The following ANKRD60 variants were observed in gnomAD, a reference collection of about 807,000 sequenced individuals.
ANKRD60 encodes the protein ankyrin repeat domain 60.
ANKRD60 carries 24 observed loss-of-function variants against 21.3 expected under a neutral mutation model. That is an observed-to-expected ratio of 1.13 (90% CI 0.82 to 1.59). The LOEUF (loss-of-function observed/expected upper bound fraction) is 1.59, where lower values mean the gene tolerates loss of function less well. Ranked by LOEUF, ANKRD60 falls within the 40% of genes most tolerant of loss-of-function variation. The probability of loss-of-function intolerance (pLI) is 0.00; values close to 1 mark genes in which losing one functional copy is unlikely to be tolerated. For missense variants in ANKRD60, 490 were observed against 466.7 expected (o/e 1.05, Z -0.46); for synonymous variants, 182 against 199.4 (o/e 0.91, Z 0.74).
intron 1 of ANKRD60, among the ~76,000 whole-genome samples, chr20:58,225,041 A>T (rs1984337597): frequency 6.6e-6 from 1 of 152,210 alleles, no homozygotes; most frequent in Non-Finnish European, 1.5e-5. Flanking sequence ...GATTATTTAT[A>T]GGCAGTAGCC....
At chr20:58,221,367 A>G (rs1490286805) in exon 3 of ANKRD60, 1 of 1,551,910 alleles carries the variant, frequency 6.4e-7, no homozygotes, top group Admixed American at 2.0e-5. Flanking sequence ...CACAGCATCA[A>G]AGTGGCCTCT....
exon 4 of ANKRD60, chr20:58,218,690 G>T: frequency 6.4e-7 from 1 of 1,551,754 alleles, no homozygotes. Context: ...TGGCATCTCT[G>T]TCGTGGATGG....
intron 1 of ANKRD60, among the ~76,000 whole-genome samples, chr20:58,224,968 C>A (rs1192126880): frequency 6.6e-6 from 1 of 152,200 alleles, no homozygotes; most frequent in African/African-American, 2.4e-5. Context: ...AAGGTTTTCA[C>A]ACATGATCTC....
chr20:58,221,187 T>A, intron 3 of ANKRD60, 151 bp downstream of exon 3: 1 of 772,042 alleles, frequency 1.3e-6, no homozygotes. Context: ...AGACAGGGAG[T>A]GAGTGGCACC....
At position 58,228,108 on chromosome 20, in the gene ANKRD60, G is replaced by A. The variant is rs79767761; in HGVS notation, c.430+116C>T. 1 of 1,106,916 alleles carries A rather than the reference G, an allele frequency of 9.0e-7. No homozygotes were observed. The highest frequency in any genetic ancestry group is 2.8e-5 in the Admixed American group (1 of 35,598). The allele number at this position is 1,106,916 out of a possible 1,614,324, so 68.6% of individuals were successfully genotyped here. On this transcript the variant is annotated intron_variant, in intron 1 of 3. Transcript: ENST00000457363. The surrounding 1 kb of genome is among the most constrained non-coding windows in gnomAD (Gnocchi z 5.3). ...GTTTCAGGGTGGTTGGGTTTCAGGG[G>A]TTTGCTTTGACATCTGGGGTTTCTC...
At chr20:58,225,213 C>T (rs529653010) in intron 1 of ANKRD60, among the ~76,000 whole-genome samples, 1 of 152,292 alleles carries the variant, frequency 6.6e-6, no homozygotes, top group South Asian at 2.1e-4. Flanking sequence ...CTCTCGCGCT[C>T]CCTCTTAGCT....
Position 58,228,261 on chromosome 20 carries a change from G to A in ANKRD60, c.393C>T (p.Ile131=). The A allele has an allele frequency of 6.4e-7, 1 of 1,551,134 alleles. No homozygotes were observed. The highest frequency in any genetic ancestry group is 8.7e-7 in the Non-Finnish European group (1 of 1,146,718). Residue 131 remains isoleucine, a synonymous_variant, in exon 1 of 4, where the codon ATC becomes ATT. Coordinates refer to ENST00000457363, the Ensembl canonical transcript of ANKRD60. This position sits in a 1 kb window ranked among gnomAD's most constrained non-coding sequence, Gnocchi z 5.3. ...ACTGGAGCCGCTGGAGGTTGAAGGG[G>A]ATGCCGACCATCAGGTCCAGCTCCT...
Position 58,228,620 on chromosome 20 carries a change from C to T in ANKRD60, c.34G>A (p.Ala12Thr), listed in dbSNP as rs544356466. ...CGCGCTCCGCCCGCCCCCGCCGCCG[C>T]CCGCCGCATCCCCCAGGCGCGGCCG... The change falls in exon 1 of 4, where the codon GCG (alanine) becomes ACG (threonine). Residue 12 changes from alanine (A) to threonine (T), a missense_variant. Transcript: ENST00000457363. This position sits in a 1 kb window ranked among gnomAD's most constrained non-coding sequence, Gnocchi z 5.3. 5.9e-6 allele frequency: 6 copies of T among 1,015,732 alleles called. No individual in the cohort carries two copies. Among genetic ancestry groups the T allele is most frequent in the Middle Eastern group, 4.5e-4 (1 of 2,218 alleles). 62.9% of individuals were successfully genotyped at this position (1,015,732 alleles called of 1,614,324 possible).
downstream of ANKRD60, chr20:58,218,428 C>A: frequency 6.9e-7 from 1 of 1,448,482 alleles, no homozygotes; most frequent in Non-Finnish European, 9.3e-7. Context: ...CACCAAGGGC[C>A]CCCATGGGAT....
At position 58,228,463 on chromosome 20, in the gene ANKRD60, T is replaced by A. The variant is rs1984415785; in HGVS notation, c.191A>T (p.Gln64Leu). Residue 64 changes from glutamine (Q) to leucine (L), a missense_variant, in exon 1 of 4, where the codon CAG becomes CTG. Transcript: ENST00000457363. This position sits in a 1 kb window ranked among gnomAD's most constrained non-coding sequence, Gnocchi z 5.3. The stretch of plus-strand genomic sequence containing the variant: ...CCGGCCGCGGGCACAGGCCAGGGGC[T>A]GCGCGGGGAGGGCCCGCGAGTCCGC... The A allele has an allele frequency of 6.5e-7, 1 of 1,527,246 alleles. No homozygotes were observed. The highest frequency in any genetic ancestry group is 2.5e-5 in the East Asian group (1 of 39,858). The allele number at this position is 1,527,246 out of a possible 1,614,324, so 94.6% of individuals were successfully genotyped here.
chr20:58,218,722 G>T (rs1984185169), exon 4 of ANKRD60: 1 of 1,551,704 alleles, frequency 6.4e-7, no homozygotes. Flanking sequence ...TGGAGCAGGA[G>T]GATTATACAG....
rs151327674 is a variant in ANKRD60 at position 58,221,338 on chromosome 20, C to T, written c.727G>A (p.Gly243Arg). The T allele has an allele frequency of 5.1e-5, 79 of 1,548,404 alleles. No homozygotes were observed. In the African/African-American group the frequency reaches 9.3e-4, roughly 18 times the overall value. The stretch of plus-strand genomic sequence containing the variant: ...ATAGCAAGCTTTCTACCAGAATTAC[C>T]GTGTTCTAGAAGGTACTGCACAGCA... Residue 243 changes from glycine (G) to arginine (R), a missense_variant and splice_region_variant, in exon 3 of 4, where the codon GGA becomes AGA. Coordinates refer to ENST00000457363, the Ensembl canonical transcript of ANKRD60.
At chr20:58,223,714 T>C (rs1028261371) in intron 1 of ANKRD60, among the ~76,000 whole-genome samples, 1 of 152,222 alleles carries the variant, frequency 6.6e-6, no homozygotes, top group African/African-American at 2.4e-5. Flanking sequence ...GGGTAACTCC[T>C]TGTGGCAGGG....
At chr20:58,221,604 A>C in intron 2 of ANKRD60, 101 bp from the exon 3 acceptor site, 1 of 1,310,674 alleles carries the variant, frequency 7.6e-7, no homozygotes, top group Non-Finnish European at 1.0e-6. Context: ...CTTGAATGTC[A>C]AATTAAGGCT....
exon 3 of ANKRD60, chr20:58,221,466 C>T (rs906100621): frequency 4.3e-5 from 66 of 1,551,750 alleles, no homozygotes; most frequent in Non-Finnish European, 5.5e-5. Flanking sequence ...ATTTGCGGTT[C>T]GGTAGAAGGA....
At chr20:58,218,177 C>T (rs1366620418), downstream of ANKRD60, among the ~76,000 whole-genome samples, 2 of 152,144 alleles carry the variant, frequency 1.3e-5, no homozygotes, top group African/African-American at 2.4e-5. Flanking sequence ...GTGCATTAGA[C>T]GGTCCCCAGA....
intron 1 of ANKRD60, among the ~76,000 whole-genome samples, chr20:58,227,914 G>C (rs563807439): frequency 6.6e-6 from 1 of 152,164 alleles, no homozygotes; most frequent in Non-Finnish European, 1.5e-5. Context: ...GCTTGGACAG[G>C]ATTTGCTCAG....
At chr20:58,218,400 T>C (rs151112676), downstream of ANKRD60, 113 of 1,260,156 alleles carry the variant, frequency 9.0e-5, no homozygotes, top group African/African-American at 1.5e-3. Context: ...AATTGCCCTG[T>C]TTTCCTGCCT....
At chr20:58,217,680 CA>C (rs1984162825), downstream of ANKRD60, among the ~76,000 whole-genome samples, 1 of 151,978 alleles carries the variant, frequency 6.6e-6, no homozygotes, top group South Asian at 2.1e-4. Flanking sequence ...TAAGGTTTTG[CA>C]ATGCAAAGAC....
Sources: gnomAD v4.1 joint callset for allele counts (sites outside exome capture counted in the v4.1 genomes callset) on GRCh38, gnomAD v4.1.1 for gene constraint, Gnocchi (gnomAD v3.1) non-coding constraint, MANE v1.5 for transcripts, NCBI Gene and HGNC (gene_info 2026-07-23, HGNC 2026-07-21) for gene names.